The following MGST1 variants were observed in gnomAD, a reference collection of about 807,000 sequenced individuals.
MGST1 encodes the protein microsomal glutathione S-transferase 1.
Under a neutral mutation model 8.9 loss-of-function variants are expected in MGST1, and 5 were observed. The observed-to-expected ratio is 0.56, with a 90% CI of 0.29 to 1.19. The LOEUF (loss-of-function observed/expected upper bound fraction) is 1.19. Ranked by LOEUF, MGST1 falls within the 50% of genes most tolerant of loss-of-function variation. The pLI is 0.08. For synonymous variants in MGST1, 54 were observed against 67.8 expected (o/e 0.80, Z 1.00); for missense variants, 182 against 187.4 (o/e 0.97, Z 0.17).
intron 4 of MGST1, among the ~76,000 whole-genome samples, chr12:16,479,257 C>T (rs1425910717): frequency 2.5e-4 from 6 of 24,136 alleles, no homozygotes; most frequent in Non-Finnish European, 4.2e-4. Flanking sequence ...TTTTTTTTGA[C>T]GGAGTCTCGC....
intron 4 of MGST1, among the ~76,000 whole-genome samples, chr12:16,533,374 TAGGCCA>T (rs1181264420): frequency 1.3e-5 from 2 of 152,160 alleles, no homozygotes; most frequent in African/African-American, 4.8e-5. Flanking sequence ...CCATATCATT[TAGGCCA>T]AGCAGCTGGG....
chr12:16,360,294 C>T, intron 3 of MGST1: 1 of 968,644 alleles, frequency 1.0e-6, no homozygotes, highest in Non-Finnish European at 1.2e-6. Context: ...TCTCTCGTTA[C>T]TTCAGTCATT....
chr12:16,570,191 A>G (rs1942767495), intron 4 of MGST1, among the ~76,000 whole-genome samples: 1 of 152,172 alleles, frequency 6.6e-6, no homozygotes, highest in Non-Finnish European at 1.5e-5. Context: ...AGCTTTGTCT[A>G]CTTAAAATTG....
At chr12:16,545,272 AT>A (rs1184869872) in intron 4 of MGST1, among the ~76,000 whole-genome samples, 1 of 152,054 alleles carries the variant, frequency 6.6e-6, no homozygotes, top group Non-Finnish European at 1.5e-5. Flanking sequence ...AATTGTATTT[AT>A]TAGGGTTGTA....
rs1302217936 is a variant in MGST1 at position 16,500,929 on chromosome 12, C to A, written n.483-88599C>A. On this transcript the variant is annotated intron_variant and non_coding_transcript_variant, in intron 4 of 4. Transcript: ENST00000538857. This position sits in a 1 kb window ranked among gnomAD's most constrained non-coding sequence, Gnocchi z 4.3. Reference sequence around the variant, plus strand: ...GACCATCCTGGCCAAAATGGTGAAACCCTGTCTGTGCTGAAAATACAAAAA... The same window carrying A: ...GACCATCCTGGCCAAAATGGTGAAAACCTGTCTGTGCTGAAAATACAAAAA... Among the ~76,000 whole-genome samples the A allele has an allele frequency of 6.6e-6, 1 of 151,896 alleles. No homozygotes were observed. The highest frequency in any genetic ancestry group is 1.5e-5 in the Non-Finnish European group (1 of 67,974).
intron 4 of MGST1, among the ~76,000 whole-genome samples, chr12:16,469,527 C>T (rs1339961283): frequency 6.6e-6 from 1 of 152,140 alleles, no homozygotes; most frequent in Non-Finnish European, 1.5e-5. Context: ...TAGAATTCCA[C>T]AGATCCACTG....
At chr12:16,391,523 A>G (rs147355846) in intron 1 of MGST1, among the ~76,000 whole-genome samples, 12,079 of 152,150 alleles carry the variant, frequency 0.079, 586 homozygotes, top group East Asian at 0.22. Flanking sequence ...ATAGTATTCC[A>G]TAGTGTATAT....
downstream of MGST1, among the ~76,000 whole-genome samples, chr12:16,380,979 C>A (rs1195902999): frequency 2.6e-5 from 4 of 151,806 alleles, no homozygotes; most frequent in African/African-American, 9.7e-5. Flanking sequence ...TGCCTTTTTT[C>A]TTTTCCATTC....
Position 16,560,356 on chromosome 12 carries a change from A to G in MGST1, n.483-29172A>G. 1 of 1,542,086 alleles carries G rather than the reference A, an allele frequency of 6.5e-7. No individual in the cohort carries two copies. The highest frequency in any genetic ancestry group is 8.8e-7 in the Non-Finnish European group (1 of 1,141,850). The stretch of plus-strand genomic sequence containing the variant: ...GAATATAATTTCCACCTATTAAATA[A>G]ATAGCCAGCACAGAGAGGTTAACCA... On this transcript the variant is annotated intron_variant and non_coding_transcript_variant, in intron 4 of 4. Transcript: ENST00000538857. This position sits in a 1 kb window ranked among gnomAD's most constrained non-coding sequence, Gnocchi z 5.0.
chr12:16,529,876 C>G (rs1470400313), intron 4 of MGST1, among the ~76,000 whole-genome samples: 2 of 152,084 alleles, frequency 1.3e-5, no homozygotes, highest in Non-Finnish European at 2.9e-5. Flanking sequence ...TTTCTCCAAA[C>G]TGCTTTGATA....
chr12:16,358,003 T>G (rs569578494), intron 3 of MGST1, among the ~76,000 whole-genome samples: 1 of 152,190 alleles, frequency 6.6e-6, no homozygotes, highest in Non-Finnish European at 1.5e-5. Flanking sequence ...CTTGGAGTTT[T>G]ATCGTCTTTG....
intron 1 of MGST1, among the ~76,000 whole-genome samples, chr12:16,411,938 T>G (rs1022847788): frequency 7.9e-5 from 12 of 152,058 alleles, no homozygotes; most frequent in Admixed American, 7.2e-4. Context: ...TCAAATGAAA[T>G]TAATAATAAT....
chr12:16,430,663 T>G (rs955570249), intron 1 of MGST1, among the ~76,000 whole-genome samples: 5 of 152,130 alleles, frequency 3.3e-5, no homozygotes, highest in African/African-American at 9.7e-5. Flanking sequence ...AAATATTCAG[T>G]TAATAGTGCT....
intron 4 of MGST1, among the ~76,000 whole-genome samples, chr12:16,558,304 A>G (rs1942265976): frequency 6.6e-6 from 1 of 151,970 alleles, no homozygotes; most frequent in Non-Finnish European, 1.5e-5. Flanking sequence ...TGTTTTTATC[A>G]TTTTCTATTT....
At chr12:16,592,932 A>G (rs112915834), downstream of MGST1, among the ~76,000 whole-genome samples, 239 of 152,044 alleles carry the variant, frequency 1.6e-3, 3 homozygotes, top group African/African-American at 5.5e-3. Flanking sequence ...CATTGTTCTA[A>G]AAGTTTTAGA....
chr12:16,556,878 C>T (rs532566314), intron 4 of MGST1, among the ~76,000 whole-genome samples: 1 of 152,216 alleles, frequency 6.6e-6, no homozygotes, highest in East Asian at 1.9e-4. Flanking sequence ...GCATAACCGG[C>T]ACTAAAGATA....
At position 16,410,703 on chromosome 12, in the gene MGST1, A is replaced by G. The variant is rs1032692410; in HGVS notation, n.779-26685A>G. Among the ~76,000 whole-genome samples, 10 of 148,282 alleles carry G rather than the reference A, an allele frequency of 6.7e-5. No homozygotes were observed. Among genetic ancestry groups the G allele is most frequent in the Non-Finnish European group, 1.0e-4 (7 of 67,292 alleles). On this transcript the variant is annotated intron_variant and non_coding_transcript_variant, in intron 1 of 1. Transcript: ENST00000359720. The surrounding 1 kb of genome is among the most constrained non-coding windows in gnomAD (Gnocchi z 4.4). The stretch of plus-strand genomic sequence containing the variant: ...AATATAAATATATAATATAATATAT[A>G]AATATATAATCAAATATTCAAATAT...
chr12:16,381,137 A>G (rs1021417541), downstream of MGST1, among the ~76,000 whole-genome samples: 1 of 152,328 alleles, frequency 6.6e-6, no homozygotes, highest in Non-Finnish European at 1.5e-5. Context: ...TAGCCCATTT[A>G]CATTTAAAGT....
rs1273239944 is a variant in MGST1, at chr12:16,364,276, T to C, written c.*235T>C. 3 of 1,190,454 alleles carry C rather than the reference T, an allele frequency of 2.5e-6. No individual in the cohort carries two copies. The highest frequency in any genetic ancestry group is 3.1e-6 in the Non-Finnish European group (3 of 957,954). 73.7% of individuals were successfully genotyped at this position (1,190,454 alleles called of 1,614,324 possible). A position where few individuals can be genotyped will look rare whatever the true frequency, so the allele number is the denominator to read the frequency against. ...GTCTGATTTTTAAAGTACTTTCTTA[T>C]AAATTTGGATCATGTTATGATTTGT... On this transcript the variant is annotated 3_prime_UTR_variant, in exon 4 of 4. Coordinates refer to ENST00000396210, the MANE Select transcript of MGST1 (RefSeq NM_020300.5). The surrounding 1 kb of genome is among the most constrained non-coding windows in gnomAD (Gnocchi z 5.7).
Sources: gnomAD v4.1 joint callset for allele counts (sites outside exome capture counted in the v4.1 genomes callset) on GRCh38, gnomAD v4.1.1 for gene constraint, Gnocchi (gnomAD v3.1) non-coding constraint, MANE v1.5 for transcripts, NCBI Gene and HGNC (gene_info 2026-07-23, HGNC 2026-07-21) for gene names.